The following NKD2 variants were observed in gnomAD, a reference collection of about 807,000 sequenced individuals.
NKD2 encodes the protein protein naked cuticle homolog 2.
NKD2 carries 43 observed loss-of-function variants against 34.8 expected under a neutral mutation model. That is an observed-to-expected ratio of 1.24 (90% CI 0.97 to 1.60). The LOEUF (loss-of-function observed/expected upper bound fraction) is 1.60, where lower values mean the gene tolerates loss of function less well. Ranked by LOEUF, NKD2 falls within the 40% of genes most tolerant of loss-of-function variation. The pLI is 0.00. For synonymous variants in NKD2, 278 were observed against 265.1 expected (o/e 1.05, Z -0.47); for missense variants, 675 against 627.1 (o/e 1.08, Z -0.82).
rs1375743718 is a variant in NKD2, at chr5:1,018,233, CTG to C, written c.141+8676_141+8677del. On this transcript the variant is annotated intron_variant, in intron 3 of 9. Coordinates refer to ENST00000296849, the MANE Select transcript of NKD2 (RefSeq NM_033120.4). ...TGCTGTGGGAGGCCAGACCTGGTGTCTGTGAGGAGCACCACAGCTGCAGACCT... is the reference window on the plus strand; with the variant it reads ...TGCTGTGGGAGGCCAGACCTGGTGTCTGAGGAGCACCACAGCTGCAGACCT... Among the ~76,000 whole-genome samples, 21 of 152,270 alleles carry C rather than the reference CTG, an allele frequency of 1.4e-4. No homozygotes were observed. The East Asian group carries it at 4.1e-3, about 29-fold the overall frequency.
intron 3 of NKD2, among the ~76,000 whole-genome samples, chr5:1,012,361 G>A (rs932089710): frequency 1.3e-5 from 2 of 152,256 alleles, no homozygotes; most frequent in East Asian, 1.9e-4. Flanking sequence ...TGGCCTGCAC[G>A]GGGGGCTCTT....
In NKD2 at chr5:1,033,401, C is replaced by T. The variant is rs779651288; in HGVS notation, c.232C>T (p.Arg78Cys). Residue 78 changes from arginine (R) to cysteine (C), a missense_variant, in exon 5 of 10, where the codon CGC becomes TGC. Coordinates refer to ENST00000296849, the MANE Select transcript of NKD2 (RefSeq NM_033120.4). ...VALPAEKAEG[R>C]EHPGQLLSAD... ...ACTCCCCGCTGAGAAAGCTGAGGGC[C>T]GCGAGCACCCGGGACAACTCCTCAG... is the stretch of plus-strand genomic sequence containing the variant. 3.1e-5 allele frequency: 50 copies of T among 1,598,248 alleles called. No individual in the cohort carries two copies. Among genetic ancestry groups the T allele is most frequent in the East Asian group, 4.6e-5 (2 of 43,766 alleles).
At chr5:1,027,920 G>A (rs1286087721) in intron 3 of NKD2, among the ~76,000 whole-genome samples, 1 of 152,266 alleles carries the variant, frequency 6.6e-6, no homozygotes, top group Non-Finnish European at 1.5e-5. Flanking sequence ...CTGTGTTGCA[G>A]CTGCCTGGCG....
At chr5:1,017,121 AC>A (rs1755990011) in intron 3 of NKD2, among the ~76,000 whole-genome samples, 2 of 152,094 alleles carry the variant, frequency 1.3e-5, no homozygotes, top group Non-Finnish European at 2.9e-5. Flanking sequence ...CCTACTTCTC[AC>A]CAGGACGTGC....
chr5:1,030,868 TCA>T (rs1756619124), intron 3 of NKD2, among the ~76,000 whole-genome samples: 1 of 152,144 alleles, frequency 6.6e-6, no homozygotes, highest in Non-Finnish European at 1.5e-5. Flanking sequence ...GCAGGAGACC[TCA>T]GCTCTGGGGG....
intron 3 of NKD2, among the ~76,000 whole-genome samples, chr5:1,021,106 G>C (rs756605469): frequency 6.6e-6 from 1 of 152,202 alleles, no homozygotes; most frequent in African/African-American, 2.4e-5. Context: ...ACTCTGGCTT[G>C]TGAGGACATC....
intron 8 of NKD2, 185 bp downstream of exon 8, chr5:1,035,658 T>C: frequency 1.7e-6 from 1 of 588,180 alleles, no homozygotes; most frequent in South Asian, 2.1e-5. Context: ...CTGGCTGAGC[T>C]GGGCCCCCAA....
intron 4 of NKD2, 21 bp downstream of exon 4, chr5:1,032,233 C>A: frequency 6.3e-7 from 1 of 1,589,578 alleles, no homozygotes; most frequent in South Asian, 1.1e-5. Context: ...CTCCCGCAGC[C>A]CTCCCTCCCC....
In NKD2 at chr5:1,031,596, G is replaced by C. The variant is rs548411147; in HGVS notation, c.142-556G>C. Among the ~76,000 whole-genome samples the C allele has an allele frequency of 4.6e-5, 7 of 152,324 alleles. No homozygotes were observed. The South Asian group carries it at 1.4e-3, about 32-fold the overall frequency. On this transcript the variant is annotated intron_variant, in intron 3 of 9. Coordinates refer to ENST00000296849, the MANE Select transcript of NKD2 (RefSeq NM_033120.4). Reference sequence around the variant, plus strand: ...CTGTCTCCTTCTCTGTGTCCTGAAGGCTGCAGATTATTCATGAGAACCATG... The same window carrying C: ...CTGTCTCCTTCTCTGTGTCCTGAAGCCTGCAGATTATTCATGAGAACCATG...
chr5:1,015,221 T>C (rs1229287353), intron 3 of NKD2, among the ~76,000 whole-genome samples: 1 of 152,192 alleles, frequency 6.6e-6, no homozygotes, highest in Non-Finnish European at 1.5e-5. Flanking sequence ...TGCACAGTCA[T>C]CTGAGCTGTC....
At chr5:1,015,338 A>G (rs1755906451) in intron 3 of NKD2, among the ~76,000 whole-genome samples, 1 of 152,210 alleles carries the variant, frequency 6.6e-6, no homozygotes, top group South Asian at 2.1e-4. Flanking sequence ...CTTCCTGTAG[A>G]GAGGAAGCCT....
intron 3 of NKD2, among the ~76,000 whole-genome samples, chr5:1,010,095 A>C (rs1207737659): frequency 1.3e-5 from 2 of 152,138 alleles, no homozygotes; most frequent in Non-Finnish European, 2.9e-5. Flanking sequence ...AGACAGAGGG[A>C]CATCTGCACA....
rs201981916 is a variant in NKD2 at position 1,025,792 on chromosome 5, C to T, written c.142-6360C>T. Among the ~76,000 whole-genome samples the T allele has an allele frequency of 6.8e-3, 519 of 76,338 alleles. 146 individuals carry two copies. Among genetic ancestry groups the T allele is most frequent in the East Asian group, 0.024 (49 of 2,042 alleles). 50.1% of individuals were successfully genotyped at this position (76,338 alleles called of 152,430 possible). A position where few individuals can be genotyped will look rare whatever the true frequency, so the allele number is the denominator to read the frequency against. ...CTGCTCTTCCCACCCTCTGTGGGTG[C>T]CCCAGCCCATTGTCCCTGCTCTTCC... On this transcript the variant is annotated intron_variant, in intron 3 of 9. Transcript: ENST00000296849.
At position 1,035,493 on chromosome 5, in the gene NKD2, G is replaced by C. The variant is rs1311590256; in HGVS notation, c.659+20G>C. The stretch of plus-strand genomic sequence containing the variant: ...CGTCAGGTGAGGGCTGGGGTGCCAG[G>C]GTGGGGCTGTGCCTTAGGCGGGGGC... On this transcript the variant is annotated intron_variant, in intron 8 of 9. Coordinates refer to ENST00000296849, the MANE Select transcript of NKD2 (RefSeq NM_033120.4). 2 of 1,545,628 alleles carry C rather than the reference G, an allele frequency of 1.3e-6. No homozygotes were observed. The highest frequency in any genetic ancestry group is 1.8e-6 in the Non-Finnish European group (2 of 1,142,700).
intron 3 of NKD2, among the ~76,000 whole-genome samples, chr5:1,018,081 G>A (rs2150730782): frequency 6.6e-6 from 1 of 152,258 alleles, no homozygotes; most frequent in Admixed American, 6.5e-5. Flanking sequence ...AGTAGGCCTG[G>A]AGGACGGGAC....
chr5:1,036,264 A>G lies in NKD2; in HGVS notation c.667A>G (p.Ser223Gly). Reference protein sequence around the residue: ...RRLSAHVRRPSTDPQPCSERG... With the variant: ...RRLSAHVRRPGTDPQPCSERG... ...TCTCTGTGCTCCAAGCAGGAGGCCC[A>G]GTACTGACCCCCAGCCCTGCTCGGA... Residue 223 changes from serine (S) to glycine (G), a missense_variant, in exon 9 of 10, where the codon AGT (serine) becomes GGT (glycine). Physicochemically the swap from Ser to Gly is moderately conservative, Grantham distance 56. Coordinates refer to ENST00000296849, the MANE Select transcript of NKD2 (RefSeq NM_033120.4). The G allele has an allele frequency of 6.2e-7, 1 of 1,604,706 alleles. No homozygotes were observed. Among genetic ancestry groups the G allele is most frequent in the Non-Finnish European group, 8.5e-7 (1 of 1,175,496 alleles).
At chr5:1,016,307 T>TA (rs1041694529) in intron 3 of NKD2, among the ~76,000 whole-genome samples, 7 of 152,216 alleles carry the variant, frequency 4.6e-5, no homozygotes, top group African/African-American at 1.7e-4. Flanking sequence ...TGTTGGCAAA[T>TA]ACTTGGCAGG....
chr5:1,034,290 C>A lies in NKD2; in HGVS notation c.386C>A (p.Thr129Lys), dbSNP rs760177567. The change falls in exon 6 of 10, where the codon ACG (threonine) becomes AAG (lysine). Residue 129 changes from threonine to lysine, a missense_variant. Coordinates refer to ENST00000296849, the MANE Select transcript of NKD2 (RefSeq NM_033120.4). ...GACGACCGCCAGGAGTGGACGTTCA[C>A]GCTCTATGACTTTGACAACTGCGGG... ...EEDDRQEWTF[T>K]LYDFDNCGKV... 6.2e-6 allele frequency: 10 copies of A among 1,612,730 alleles called. No homozygotes were observed. The South Asian group carries it at 9.9e-5, about 16-fold the overall frequency.
intron 3 of NKD2, among the ~76,000 whole-genome samples, chr5:1,013,197 C>G (rs1755824192): frequency 6.6e-6 from 1 of 152,222 alleles, no homozygotes; most frequent in African/African-American, 2.4e-5. Flanking sequence ...GGGGATGCCT[C>G]CAGCACAGAC....
Sources: allele counts gnomAD v4.1 joint callset (sites outside exome capture counted in the v4.1 genomes callset), GRCh38; gene constraint gnomAD v4.1.1; transcripts MANE v1.5; gene names NCBI Gene and HGNC (gene_info 2026-07-23, HGNC 2026-07-21).